FSTL4: variants seen among roughly 807,000 people sequenced by gnomAD.
FSTL4 encodes the protein follistatin like 4.
Under a neutral mutation model 78.2 loss-of-function variants are expected in FSTL4, and 28 were observed. The ratio of observed to expected loss-of-function variants is 0.36; its 90% CI spans 0.27 to 0.49. The LOEUF (loss-of-function observed/expected upper bound fraction) is 0.49, where lower values mean the gene tolerates loss of function less well. Ranked by LOEUF, FSTL4 falls within the 20% of genes least tolerant of loss-of-function variation. FSTL4 has a pLI of 0.98. For synonymous variants in FSTL4, 422 were observed against 440.5 expected (o/e 0.96, Z 0.53); for missense variants, 922 against 1,084.9 (o/e 0.85, Z 2.11).
intron 11 of FSTL4, among the ~76,000 whole-genome samples, chr5:133,222,014 T>C (rs1376803338): frequency 6.8e-6 from 1 of 147,306 alleles, no homozygotes; most frequent in Non-Finnish European, 1.5e-5. Flanking sequence ...CAGGAATCAC[T>C]GTTTTACTTT....
chr5:133,322,251 ACC>A (rs1561671695), intron 4 of FSTL4, among the ~76,000 whole-genome samples: 10 of 112,464 alleles, frequency 8.9e-5, no homozygotes, highest in Non-Finnish European at 1.8e-4. Context: ...CCCCACACCC[ACC>A]CACACCCACC....
intron 3 of FSTL4, among the ~76,000 whole-genome samples, chr5:133,439,808 G>C (rs1757112909): frequency 1.3e-5 from 2 of 152,174 alleles, no homozygotes; most frequent in South Asian, 4.1e-4. Flanking sequence ...TTGCCGAAGG[G>C]GGCAGGTACG....
In FSTL4 at chr5:133,273,900, C is replaced by G. The variant is rs117613482; in HGVS notation, c.728-24324G>C. Among the ~76,000 whole-genome samples the G allele has an allele frequency of 6.4e-3, 982 of 152,258 alleles. 35 individuals carry two copies. In the East Asian group the frequency reaches 0.099, roughly 15 times the overall value. On this transcript the variant is annotated intron_variant, in intron 6 of 15. Coordinates refer to ENST00000265342, the MANE Select transcript of FSTL4 (RefSeq NM_015082.2). ...AGGTGCTGACACACAGCGGAGTTCCCTTCTGTGCCTCCAGCAGGAGACTAG... is the reference window on the plus strand; with the variant it reads ...AGGTGCTGACACACAGCGGAGTTCCGTTCTGTGCCTCCAGCAGGAGACTAG...
At chr5:133,496,474 G>A (rs1283890520) in intron 3 of FSTL4, among the ~76,000 whole-genome samples, 2 of 152,138 alleles carry the variant, frequency 1.3e-5, no homozygotes, top group African/African-American at 4.8e-5. Context: ...TGGCCACATG[G>A]CCCTCCCACC....
At chr5:133,437,743 A>G (rs932542556) in intron 3 of FSTL4, among the ~76,000 whole-genome samples, 24 of 151,548 alleles carry the variant, frequency 1.6e-4, no homozygotes, top group Admixed American at 1.4e-3. Flanking sequence ...CACTCACCTC[A>G]GCCTCCCAAA....
At chr5:133,719,038 G>A in the FSTL4 span, among the ~76,000 whole-genome samples, 250 of 152,290 alleles carry the variant, frequency 1.6e-3, 1 homozygote, top group Non-Finnish European at 3.2e-3. Context: ...CTGGATGACT[G>A]CTTCACTTTT....
At chr5:133,825,440 G>A in the FSTL4 span, among the ~76,000 whole-genome samples, 1 of 152,210 alleles carries the variant, frequency 6.6e-6, no homozygotes, top group Non-Finnish European at 1.5e-5. Context: ...CTCTGCCTCT[G>A]CAGCCATTTA....
chr5:133,486,883 T>C (rs958057978), intron 3 of FSTL4, among the ~76,000 whole-genome samples: 3 of 152,120 alleles, frequency 2.0e-5, no homozygotes, highest in African/African-American at 7.2e-5. Flanking sequence ...ATGAGGAAAT[T>C]GAGGCCCAGA....
At chr5:133,316,790 C>T (rs1021625225) in intron 4 of FSTL4, 138 bp from the exon 5 acceptor site, 12 of 618,348 alleles carry the variant, frequency 1.9e-5, no homozygotes, top group East Asian at 5.5e-5. Flanking sequence ...CAACTGTCGT[C>T]GATGGGACTT....
In FSTL4 at chr5:133,611,315, G is replaced by C. The variant is rs1392438857; in HGVS notation, c.-11+1010C>G. On this transcript the variant is annotated intron_variant, in intron 1 of 15. Transcript: ENST00000265342. This position sits in a 1 kb window ranked among gnomAD's most constrained non-coding sequence, Gnocchi z 4.9. ...AACAAGAAACCCCACTGCCTCGGCGGCTTTCCGCTCCCGCAAGAGTTGCGG... is the reference window on the plus strand; with the variant it reads ...AACAAGAAACCCCACTGCCTCGGCGCCTTTCCGCTCCCGCAAGAGTTGCGG... 2.0e-5 allele frequency among the ~76,000 whole-genome samples: 3 copies of C among 152,170 alleles called. No individual in the cohort carries two copies. Among genetic ancestry groups the C allele is most frequent in the Non-Finnish European group, 4.4e-5 (3 of 68,020 alleles).
chr5:133,435,713 G>A (rs995312893), intron 3 of FSTL4, among the ~76,000 whole-genome samples: 7 of 152,148 alleles, frequency 4.6e-5, no homozygotes, highest in African/African-American at 1.7e-4. Context: ...CACTACGATT[G>A]TGCTCCTATT....
chr5:133,673,766 G>A, the FSTL4 span, among the ~76,000 whole-genome samples: 2 of 152,090 alleles, frequency 1.3e-5, no homozygotes, highest in Non-Finnish European at 2.9e-5. Flanking sequence ...TCACAATCTA[G>A]TGAGGGAGAA....
chr5:133,341,647 CTG>C (rs1754584735), intron 4 of FSTL4, among the ~76,000 whole-genome samples: 1 of 152,180 alleles, frequency 6.6e-6, no homozygotes, highest in Non-Finnish European at 1.5e-5. Flanking sequence ...TGTCACCTCT[CTG>C]TGCCATTCTC....
intron 3 of FSTL4, among the ~76,000 whole-genome samples, chr5:133,410,831 A>C (rs1216271326): frequency 6.6e-6 from 1 of 152,220 alleles, no homozygotes; most frequent in African/African-American, 2.4e-5. Context: ...CTTGTCTCTC[A>C]ACGGGATTAT....
intron 4 of FSTL4, among the ~76,000 whole-genome samples, chr5:133,383,908 T>C (rs527377476): frequency 1.3e-5 from 2 of 152,372 alleles, no homozygotes; most frequent in Admixed American, 1.3e-4. Flanking sequence ...GGACTGTTCT[T>C]TTGTTCTGAG....
chr5:133,748,519 C>T, the FSTL4 span, among the ~76,000 whole-genome samples: 321 of 152,274 alleles, frequency 2.1e-3, 2 homozygotes, highest in African/African-American at 7.1e-3. Context: ...TGCAGTAAGC[C>T]GAGATGGTGC....
chr5:133,494,367 T>TA (rs1380587394), intron 3 of FSTL4, among the ~76,000 whole-genome samples: 1 of 150,206 alleles, frequency 6.7e-6, no homozygotes, highest in Non-Finnish European at 1.5e-5. Context: ...TTTTTTTTTT[T>TA]ACAACACTGT....
chr5:133,768,897 T>C, the FSTL4 span, among the ~76,000 whole-genome samples: 1 of 152,266 alleles, frequency 6.6e-6, no homozygotes, highest in African/African-American at 2.4e-5. Context: ...ACAACTATTG[T>C]TTCCTGCATG....
the FSTL4 span, among the ~76,000 whole-genome samples, chr5:133,781,740 C>T: frequency 6.6e-6 from 1 of 152,180 alleles, no homozygotes; most frequent in Non-Finnish European, 1.5e-5. Context: ...TCAGCATGCC[C>T]ACCTCCCAGC....
Sources: gnomAD v4.1 joint callset for allele counts (sites outside exome capture counted in the v4.1 genomes callset) on GRCh38, gnomAD v4.1.1 for gene constraint, Gnocchi (gnomAD v3.1) non-coding constraint, MANE v1.5 for transcripts, NCBI Gene and HGNC (gene_info 2026-07-23, HGNC 2026-07-21) for gene names.